The following NR5A1 variants were observed in gnomAD, a reference collection of about 807,000 sequenced individuals.
NR5A1 encodes the protein steroidogenic factor 1.
NR5A1 carries 6 observed loss-of-function variants against 42.7 expected under a neutral mutation model. That is an observed-to-expected ratio of 0.14 (90% confidence interval 0.08 to 0.28). The LOEUF is 0.28. Among genes scored for constraint, NR5A1 ranks in the 10% least tolerant of loss-of-function variants. The pLI, the probability that NR5A1 is intolerant of heterozygous loss-of-function variation, is 1.00. For missense variants in NR5A1, 442 were observed against 626.4 expected, an observed-to-expected ratio of 0.71 and a Z score of 3.14; for synonymous variants, 274 against 277.5, an observed-to-expected ratio of 0.99 and a Z score of 0.12.
At position 124,500,490 on chromosome 9, in the gene NR5A1, G is replaced by C. The variant is rs1324068281; in HGVS notation, c.470C>G (p.Pro157Arg). 1.2e-6 allele frequency: 2 copies of C among 1,603,094 alleles called. No individual in the cohort carries two copies. Among genetic ancestry groups the C allele is most frequent in the African/African-American group, 1.3e-5 (1 of 74,764 alleles). Residue 157 changes from proline (P) to arginine (R), a missense_variant, in exon 4 of 7, where the codon CCT becomes CGT. Around this residue, in one of 3 missense-constraint regions of NR5A1, gnomAD observed 208 missense variants for 203.8 expected, o/e 1.02. Transcript: ENST00000373588. The surrounding 1 kb of genome is among the most constrained non-coding windows in gnomAD (Gnocchi z 6.9). Reference sequence around the variant, plus strand: ...CCCAAAGTCGCCCAGTGGCCCAGCAGGTGGACCGGCGGCCAGGCCCTTGGG... The same window carrying C: ...CCCAAAGTCGCCCAGTGGCCCAGCACGTGGACCGGCGGCCAGGCCCTTGGG... The part of the protein sequence containing the change: ...PEPKGLAAGP[P>R]AGPLGDFGAP...
At chr9:124,489,862 G>A (rs1409642848) in intron 6 of NR5A1, among the ~76,000 whole-genome samples, 2 of 151,406 alleles carry the variant, frequency 1.3e-5, no homozygotes, top group Non-Finnish European at 2.9e-5. Context: ...AGCCTGTTCT[G>A]CCAGAATCGG....
intron 6 of NR5A1, 64 bp downstream of exon 6, chr9:124,491,017 A>AGGCC: frequency 1.1e-5 from 5 of 457,440 alleles, no homozygotes; most frequent in Middle Eastern, 7.5e-4. Context: ...CTCCAGCCTC[A>AGGCC]CCCACCCTCC....
intron 6 of NR5A1, among the ~76,000 whole-genome samples, chr9:124,490,287 T>G (rs1050646443): frequency 6.6e-6 from 1 of 152,204 alleles, no homozygotes; most frequent in Non-Finnish European, 1.5e-5. Flanking sequence ...ACCCAGGCTG[T>G]AGGTCTTTTC....
At chr9:124,505,617 G>A (rs1003557184) in intron 1 of NR5A1, among the ~76,000 whole-genome samples, 2 of 152,222 alleles carry the variant, frequency 1.3e-5, no homozygotes, top group Non-Finnish European at 2.9e-5. Flanking sequence ...AACCCCTTCT[G>A]CTCGCTAGCC....
intron 6 of NR5A1, among the ~76,000 whole-genome samples, chr9:124,489,871 G>A (rs1588617033): frequency 6.6e-6 from 1 of 151,566 alleles, no homozygotes; most frequent in Non-Finnish European, 1.5e-5. Flanking sequence ...TGCCAGAATC[G>A]GGAGACCCAG....
chr9:124,491,036 C>CCCCCCCCAGG, intron 6 of NR5A1, 45 bp downstream of exon 6: 10 of 1,401,590 alleles, frequency 7.1e-6, no homozygotes, highest in Non-Finnish European at 7.7e-6. Flanking sequence ...CCCACCCACC[C>CCCCCCCCAGG]GCCTCTGGCT....
Position 124,503,306 on chromosome 9 carries a change from A to G in NR5A1, c.90T>C (p.Cys30=). The part of the protein sequence containing the change: ...VSGYHYGLLT[C]ESCKGFFKRT... Reference sequence around the variant, plus strand: ...GCTCGCCGCTCACCTTGCAGCTCTCACACGTGAGCAGTCCGTAGTGGTAGC... The same window carrying G: ...GCTCGCCGCTCACCTTGCAGCTCTCGCACGTGAGCAGTCCGTAGTGGTAGC... Residue 30 remains cysteine (C), a synonymous_variant, in exon 2 of 7, where the codon TGT becomes TGC. Transcript: ENST00000373588. The surrounding 1 kb of genome is among the most constrained non-coding windows in gnomAD (Gnocchi z 9.6). The G allele has an allele frequency of 1.9e-6, 3 of 1,611,184 alleles. No individual in the cohort carries two copies. Among genetic ancestry groups the G allele is most frequent in the Non-Finnish European group, 8.5e-7 (1 of 1,179,244 alleles).
At chr9:124,504,318 A>G (rs1175639634) in intron 1 of NR5A1, among the ~76,000 whole-genome samples, 2 of 152,124 alleles carry the variant, frequency 1.3e-5, no homozygotes, top group African/African-American at 4.8e-5. Context: ...GCCGGGCAGG[A>G]GCCCAAGCGC....
At chr9:124,506,221 A>G (rs1832557099) in intron 1 of NR5A1, among the ~76,000 whole-genome samples, 1 of 152,212 alleles carries the variant, frequency 6.6e-6, no homozygotes, top group South Asian at 2.1e-4. Context: ...CGGGCAAGTC[A>G]CTTCTCCTCT....
chr9:124,483,843 C>A (rs965099053), intron 6 of NR5A1, among the ~76,000 whole-genome samples: 19 of 152,260 alleles, frequency 1.2e-4, no homozygotes, highest in African/African-American at 4.3e-4. Flanking sequence ...TTTTAGTCTC[C>A]CCTATGACCA....
chr9:124,500,771 C>A lies in NR5A1; in HGVS notation c.245-56G>T. The A allele has an allele frequency of 6.2e-7, 1 of 1,610,746 alleles. No homozygotes were observed. Among genetic ancestry groups the A allele is most frequent in the Non-Finnish European group, 8.5e-7 (1 of 1,179,212 alleles). On this transcript the variant is annotated intron_variant, in intron 3 of 6. Transcript: ENST00000373588. The surrounding 1 kb of genome is among the most constrained non-coding windows in gnomAD (Gnocchi z 6.9). ...CCTCTCTAAGCCCCCTTCCATGCTG[C>A]CCCACCACAGATCCTTTCCAAACAA...
chr9:124,483,868 G>A (rs1255561406), intron 6 of NR5A1, among the ~76,000 whole-genome samples: 7 of 152,194 alleles, frequency 4.6e-5, no homozygotes, highest in Admixed American at 4.6e-4. Flanking sequence ...ACAGGCTCCA[G>A]TACCCCCAGG....
chr9:124,490,984 C>G, intron 6 of NR5A1, 97 bp downstream of exon 6: 1 of 1,490,150 alleles, frequency 6.7e-7, no homozygotes, highest in South Asian at 1.2e-5. Flanking sequence ...TTCGTGGCCA[C>G]TCTGGCCACA....
intron 6 of NR5A1, among the ~76,000 whole-genome samples, chr9:124,483,855 C>G (rs931964419): frequency 1.3e-5 from 2 of 152,180 alleles, no homozygotes; most frequent in African/African-American, 4.8e-5. Context: ...CTATGACCAA[C>G]AGACAGGCTC....
At chr9:124,499,145 G>A (rs1832429605) in intron 4 of NR5A1, among the ~76,000 whole-genome samples, 1 of 152,166 alleles carries the variant, frequency 6.6e-6, no homozygotes. Flanking sequence ...AGGCCAGGGA[G>A]GGGCAGGCCT....
At chr9:124,491,339 A>C in intron 5 of NR5A1, 111 bp from the exon 6 acceptor site, 1 of 853,736 alleles carries the variant, frequency 1.2e-6, no homozygotes, top group Non-Finnish European at 1.8e-6. Flanking sequence ...TGCAGGTCAG[A>C]TGGGCTGGCG....
At chr9:124,492,092 G>C (rs968103016) in intron 5 of NR5A1, among the ~76,000 whole-genome samples, 2 of 152,076 alleles carry the variant, frequency 1.3e-5, no homozygotes, top group Non-Finnish European at 2.9e-5. Context: ...GATGAGCAGT[G>C]GGGGCCTGGG....
In NR5A1 at chr9:124,501,018, T is replaced by C. The variant is rs1210212586; in HGVS notation, c.245-303A>G. The C allele has an allele frequency of 8.9e-6, 6 of 671,482 alleles. No individual in the cohort carries two copies. The highest frequency in any genetic ancestry group is 1.7e-5 in the Non-Finnish European group (6 of 355,692). 41.6% of individuals were successfully genotyped at this position (671,482 alleles called of 1,614,324 possible). ...TTTCATTTTCCTTCTGACTCAAACT[T>C]TTTTTTTTCTCTTGTGCTTGCTGAA... On this transcript the variant is annotated intron_variant, in intron 3 of 6. Coordinates refer to ENST00000373588, the MANE Select transcript of NR5A1 (RefSeq NM_004959.5). The surrounding 1 kb of genome is among the most constrained non-coding windows in gnomAD (Gnocchi z 4.1).
At position 124,503,187 on chromosome 9, in the gene NR5A1, G is replaced by T. The variant is rs1324211533; in HGVS notation, c.136C>A (p.His46Asn). The part of the protein sequence containing the change: ...FFKRTVQNNK[H>N]YTCTESQSCK... ...CTCTGGCTCTCGGTGCACGTGTAGT[G>T]CTTGTTGTTCTGCACCGTGCGCTTG... is the stretch of plus-strand genomic sequence containing the variant. Residue 46 changes from histidine to asparagine, a missense_variant, in exon 3 of 7, where the codon CAC becomes AAC. By Grantham distance (68) the His-to-Asn change is moderately conservative (BLOSUM62 1). Around this residue, in one of 3 missense-constraint regions of NR5A1, gnomAD observed 71 missense variants for 156.8 expected, o/e 0.45. Transcript: ENST00000373588. The surrounding 1 kb of genome is among the most constrained non-coding windows in gnomAD (Gnocchi z 9.6). 4 of 1,603,746 alleles carry T rather than the reference G, an allele frequency of 2.5e-6. No homozygotes were observed. In the South Asian group the frequency reaches 3.4e-5, roughly 13 times the overall value.
Sources: gnomAD v4.1 joint callset for allele counts (sites outside exome capture counted in the v4.1 genomes callset) on GRCh38, gnomAD v4.1.1 for gene constraint, gnomAD v4.1.1 regional missense constraint, Gnocchi (gnomAD v3.1) non-coding constraint, MANE v1.5 for transcripts, NCBI Gene and HGNC (gene_info 2026-07-23, HGNC 2026-07-21) for gene names.